DRC1: variants seen among roughly 807,000 people sequenced by gnomAD.
DRC1 encodes dynein regulatory complex subunit 1, also known as dynein regulatory complex protein 1.
A neutral mutation model predicts 98.7 loss-of-function variants in DRC1; 74 were observed. That is an observed-to-expected ratio of 0.75 (90% CI 0.62 to 0.91). DRC1 has a LOEUF of 0.91. DRC1 is among the 40% of genes least tolerant of loss of function. The pLI is 0.00. For missense variants in DRC1, 875 were observed against 886.0 expected (o/e 0.99, Z 0.16); for synonymous variants, 336 against 334.1 (o/e 1.01, Z -0.06).
At chr2:26,433,203 T>C (rs567844735) in intron 7 of DRC1, among the ~76,000 whole-genome samples, 1 of 152,218 alleles carries the variant, frequency 6.6e-6, no homozygotes, top group Non-Finnish European at 1.5e-5. Context: ...AGCTAAAAAA[T>C]GTATCTCTAA....
Position 26,418,677 on chromosome 2 carries a change from ATAATT to A in DRC1, c.244-2608_244-2604del, listed in dbSNP as rs1558438292. On this transcript the variant is annotated intron_variant, in intron 2 of 16. Transcript: ENST00000288710. ...AAATTATATATTATATAAATTAAAT[ATAATT>A]TATATTATATATAAATTATATTTAA... Among the ~76,000 whole-genome samples, 34 of 88,388 alleles carry A rather than the reference ATAATT, an allele frequency of 3.8e-4. 1 individual carries two copies. The highest frequency in any genetic ancestry group is 5.7e-4 in the Non-Finnish European group (28 of 49,074). The allele number at this position is 88,388 out of a possible 152,430, so 58.0% of individuals were successfully genotyped here. A position where few individuals can be genotyped will look rare whatever the true frequency, so the allele number is the denominator to read the frequency against.
chr2:26,423,463 A>G (rs76261793), intron 3 of DRC1, among the ~76,000 whole-genome samples: 3,481 of 152,142 alleles, frequency 0.023, 128 homozygotes, highest in African/African-American at 0.078. Flanking sequence ...TCTCTGGCAG[A>G]TATCTTAGCC....
chr2:26,406,141 CTTACATATATATTATTAATA>C (rs1406687247), intron 1 of DRC1, among the ~76,000 whole-genome samples: 1 of 152,144 alleles, frequency 6.6e-6, no homozygotes, highest in African/African-American at 2.4e-5. Flanking sequence ...TATATTGAAG[CTTACATATATATTATTAATA>C]GCCAACAGTA....
intron 7 of DRC1, among the ~76,000 whole-genome samples, chr2:26,433,691 G>A (rs1663495542): frequency 6.6e-6 from 1 of 152,182 alleles, no homozygotes; most frequent in Admixed American, 6.5e-5. Flanking sequence ...GACATGGGGA[G>A]ATCCTGGGGT....
chr2:26,419,184 C>A (rs566355846), intron 2 of DRC1, among the ~76,000 whole-genome samples: 1 of 152,034 alleles, frequency 6.6e-6, no homozygotes, highest in East Asian at 1.9e-4. Context: ...CCACCATGCC[C>A]GGCTGAATGT....
At chr2:26,402,311 G>A (rs1678272300) in intron 1 of DRC1, among the ~76,000 whole-genome samples, 167 bp downstream of exon 1, 1 of 152,264 alleles carries the variant, frequency 6.6e-6, no homozygotes. Context: ...CACTTAGGGA[G>A]GCCGAGGCGG....
At chr2:26,424,136 G>C in intron 3 of DRC1, 135 bp from the exon 4 acceptor site, 1 of 984,282 alleles carries the variant, frequency 1.0e-6, no homozygotes, top group East Asian at 2.4e-5. Flanking sequence ...CATTGAGTTT[G>C]ATTTTGGGCG....
At chr2:26,419,385 A>T (rs1455735861) in intron 2 of DRC1, among the ~76,000 whole-genome samples, 1 of 152,184 alleles carries the variant, frequency 6.6e-6, no homozygotes, top group Admixed American at 6.5e-5. Flanking sequence ...CTGGAACTCC[A>T]GTAATTGGTT....
At chr2:26,432,046 A>G (rs1238080148) in intron 7 of DRC1, 40 bp downstream of exon 7, 5 of 1,602,014 alleles carry the variant, frequency 3.1e-6, no homozygotes, top group African/African-American at 1.3e-5. Flanking sequence ...TGGGTGGCGG[A>G]GCAGATGGTG....
intron 10 of DRC1, among the ~76,000 whole-genome samples, chr2:26,446,937 CA>C: frequency 4.0e-5 from 6 of 151,624 alleles, no homozygotes. Flanking sequence ...ACTAAAAATA[CA>C]AAAAATTAGC....
Position 26,424,426 on chromosome 2 carries a change from A to G in DRC1, c.512A>G (p.Lys171Arg), listed in dbSNP as rs758946277. 7 of 1,612,958 alleles carry G rather than the reference A, an allele frequency of 4.3e-6. No individual in the cohort carries two copies. In the South Asian group the frequency reaches 5.5e-5, roughly 13 times the overall value. Reference protein sequence around the residue: ...QLHCAGLLEDKNKLISELQQE... With the variant: ...QLHCAGLLEDRNKLISELQQE... ...CACTGTGCTGGACTCTTAGAAGATAAGAATAAACTCATCAGCGAGTTACAG... is the reference window on the plus strand; with the variant it reads ...CACTGTGCTGGACTCTTAGAAGATAGGAATAAACTCATCAGCGAGTTACAG... Residue 171 changes from lysine to arginine, a missense_variant, in exon 4 of 17, where the codon AAG becomes AGG. By Grantham distance (26) the Lys-to-Arg change is conservative. Coordinates refer to ENST00000288710, the MANE Select transcript of DRC1 (RefSeq NM_145038.5).
At chr2:26,432,589 AG>A (rs1296606228) in intron 7 of DRC1, among the ~76,000 whole-genome samples, 2 of 57,980 alleles carry the variant, frequency 3.4e-5, no homozygotes, top group Admixed American at 1.3e-4. Context: ...AGAAAAGAAA[AG>A]GAAAGAAAGA....
At chr2:26,439,623 GT>G (rs1246823603) in intron 7 of DRC1, among the ~76,000 whole-genome samples, 1 of 151,990 alleles carries the variant, frequency 6.6e-6, no homozygotes, top group East Asian at 1.9e-4. Context: ...GAAATTTCAA[GT>G]TTTTGTGGCC....
rs927408361 is a variant in DRC1 at position 26,450,652 on chromosome 2, C to T, written c.1660C>T (p.Arg554Ter). The change falls in exon 13 of 17, where the codon CGA becomes TGA. Residue 554 changes from arginine to a stop codon, truncating the protein, a stop_gained. Transcript: ENST00000288710. LOFTEE classifies it high-confidence loss of function. ...ACTGGTGAACTTCTTCCTTAAATATCGAGCTCACCGTTTATCTTCCAGCCT... is the reference window on the plus strand; with the variant it reads ...ACTGGTGAACTTCTTCCTTAAATATTGAGCTCACCGTTTATCTTCCAGCCT... ...YKLVNFFLKY[R>*]AHRLSSSLQI... The T allele has an allele frequency of 4.4e-6, 7 of 1,607,988 alleles. No individual in the cohort carries two copies. Among genetic ancestry groups the T allele is most frequent in the Non-Finnish European group, 5.9e-6 (7 of 1,177,484 alleles).
At chr2:26,455,063 G>A in intron 15 of DRC1, 68 bp from the exon 16 acceptor site, 2 of 1,561,018 alleles carry the variant, frequency 1.3e-6, no homozygotes, top group Non-Finnish European at 8.8e-7. Flanking sequence ...CAACCACCAA[G>A]ACCCTGGCCC....
intron 7 of DRC1, among the ~76,000 whole-genome samples, chr2:26,436,951 G>T (rs1199661200): frequency 6.6e-6 from 1 of 152,142 alleles, no homozygotes. Context: ...TTCTCTGTGA[G>T]TGCTCATACG....
intron 4 of DRC1, among the ~76,000 whole-genome samples, chr2:26,425,502 G>A (rs1353790972): frequency 6.6e-6 from 1 of 152,150 alleles, no homozygotes; most frequent in Non-Finnish European, 1.5e-5. Context: ...CCTCCATACT[G>A]TTTTTTATAA....
At chr2:26,409,122 GA>G (rs1173155067) in intron 1 of DRC1, among the ~76,000 whole-genome samples, 1 of 151,310 alleles carries the variant, frequency 6.6e-6, no homozygotes, top group Non-Finnish European at 1.5e-5. Context: ...TTTAGAGATG[GA>G]GTCCTGCTAT....
At chr2:26,448,929 G>A in intron 11 of DRC1, 126 bp downstream of exon 11, 1 of 949,608 alleles carries the variant, frequency 1.1e-6, no homozygotes, top group Non-Finnish European at 1.6e-6. Context: ...GCCCAGGGTT[G>A]GGCCCTGAGG....
Sources: gnomAD v4.1 joint callset for allele counts (sites outside exome capture counted in the v4.1 genomes callset) on GRCh38, gnomAD v4.1.1 for gene constraint, MANE v1.5 for transcripts, NCBI Gene and HGNC (gene_info 2026-07-23, HGNC 2026-07-21) for gene names.